TBC1D32: variants seen among roughly 807,000 people sequenced by gnomAD.
The protein encoded by TBC1D32 is TBC1 domain family member 32, also known as protein broad-minded.
TBC1D32 carries 151 observed loss-of-function variants against 170.3 expected under a neutral mutation model. The ratio of observed to expected loss-of-function variants is 0.89; its 90% CI spans 0.78 to 1.01. The LOEUF is 1.01. Ranked by LOEUF, TBC1D32 falls within the 50% of genes least tolerant of loss-of-function variation. The pLI is 0.00. For synonymous variants in TBC1D32, 498 were observed against 488.0 expected (o/e 1.02, Z -0.27); for missense variants, 1,464 against 1,457.1 (o/e 1.00, Z -0.08).
intron 24 of TBC1D32, 66 bp downstream of exon 24, chr6:121,159,942 ATT>A (rs1785402313): frequency 1.8e-6 from 2 of 1,085,794 alleles, no homozygotes; most frequent in East Asian, 2.5e-5. Context: ...CTTCCTTAAT[ATT>A]TTCTTTTTTT....
Position 121,303,739 on chromosome 6 carries a change from T to G in TBC1D32, c.958A>C (p.Ser320Arg). Reference sequence around the variant, plus strand: ...TTAACTGTTAACAAGGACAAAGTACTCTCCACAATTTCTTCCATATACCTT... The same window carrying G: ...TTAACTGTTAACAAGGACAAAGTACGCTCCACAATTTCTTCCATATACCTT... ...PEKYMEEIVE[S>R]TLSLLTVKHN... is the part of the protein sequence containing the mutation. Residue 320 changes from serine to arginine, a missense_variant, in exon 9 of 32, where the codon AGT becomes CGT. By Grantham distance (110) the Ser-to-Arg change is moderately radical (BLOSUM62 -1). Around this residue, in one of 3 missense-constraint regions of TBC1D32, gnomAD observed 1,363 missense variants for 1,338.1 expected, o/e 1.02. Transcript: ENST00000398212. The G allele has an allele frequency of 6.4e-7, 1 of 1,551,456 alleles. No homozygotes were observed. Among genetic ancestry groups the G allele is most frequent in the South Asian group, 1.3e-5 (1 of 79,984 alleles).
chr6:121,326,481 G>A, intron 1 of TBC1D32, among the ~76,000 whole-genome samples: 1 of 152,166 alleles, frequency 6.6e-6, no homozygotes, highest in South Asian at 2.1e-4. Flanking sequence ...ATTATTATTT[G>A]TCATTTTAAA....
chr6:121,145,108 C>T (rs140148697), intron 24 of TBC1D32, among the ~76,000 whole-genome samples: 2 of 152,236 alleles, frequency 1.3e-5, no homozygotes, highest in East Asian at 3.9e-4. Context: ...CAGCTAACTC[C>T]TTCAAGGAAT....
intron 29 of TBC1D32, among the ~76,000 whole-genome samples, chr6:121,108,206 T>G (rs989540785): frequency 2.0e-5 from 3 of 152,128 alleles, no homozygotes; most frequent in African/African-American, 7.2e-5. Context: ...GCCTCTATTT[T>G]ACAGTAAACA....
In TBC1D32 at chr6:121,113,109, CA is replaced by C. The variant is rs777330642; in HGVS notation, c.3121del (p.Cys1041ValfsTer5). On this transcript the variant is annotated frameshift_variant, in exon 28 of 32. Coordinates refer to ENST00000398212, the MANE Select transcript of TBC1D32 (RefSeq NM_152730.6). LOFTEE classifies it high-confidence loss of function. ...ENDLTWVLKH[C>X]ERFLKQQQTS... The stretch of plus-strand genomic sequence containing the variant: ...TTGCTGCTGTTTCAGGAATCTCTCA[CA>C]ATGCTTTAAAACCCAGGTAAGATCA... The C allele has an allele frequency of 3.7e-6, 6 of 1,611,446 alleles. No individual in the cohort carries two copies. Among genetic ancestry groups the C allele is most frequent in the Admixed American group, 1.7e-5 (1 of 59,578 alleles).
chr6:121,087,049 A>G (rs962402070), intron 31 of TBC1D32, among the ~76,000 whole-genome samples: 1 of 152,190 alleles, frequency 6.6e-6, no homozygotes, highest in Non-Finnish European at 1.5e-5. Context: ...GCATATCTTC[A>G]GAGGCTGCCT....
intron 22 of TBC1D32, among the ~76,000 whole-genome samples, chr6:121,203,050 G>A (rs944935095): frequency 6.6e-6 from 1 of 151,304 alleles, no homozygotes; most frequent in Non-Finnish European, 1.5e-5. Flanking sequence ...TGAAGAGAAA[G>A]GTACAAGGAA....
intron 22 of TBC1D32, among the ~76,000 whole-genome samples, chr6:121,177,658 T>C (rs1201052387): frequency 6.6e-6 from 1 of 152,198 alleles, no homozygotes; most frequent in East Asian, 1.9e-4. Flanking sequence ...TGGTTCAATG[T>C]ACACAAACTT....
At chr6:121,209,224 G>C (rs151036090) in intron 21 of TBC1D32, among the ~76,000 whole-genome samples, 1 of 151,600 alleles carries the variant, frequency 6.6e-6, no homozygotes, top group East Asian at 1.9e-4. Flanking sequence ...TAAGTTTGGA[G>C]ATATGTATAC....
chr6:121,299,615 TA>T, intron 9 of TBC1D32, 110 bp from the exon 10 acceptor site: 2 of 1,069,044 alleles, frequency 1.9e-6, no homozygotes, highest in Non-Finnish European at 2.6e-6. Flanking sequence ...AGCTTAGGTT[TA>T]AACCCTTATA....
At chr6:121,311,658 C>T (rs1018811656) in intron 3 of TBC1D32, among the ~76,000 whole-genome samples, 17 of 150,066 alleles carry the variant, frequency 1.1e-4, no homozygotes, top group African/African-American at 3.4e-4. Flanking sequence ...AACCAGGAGA[C>T]GGAGGTTTCA....
intron 22 of TBC1D32, among the ~76,000 whole-genome samples, chr6:121,175,023 C>CA (rs34244749): frequency 0.7 from 92,015 of 130,626 alleles, 33,107 homozygotes; most frequent in South Asian, 0.82. Flanking sequence ...CAGACCTTGT[C>CA]AAAAAAAAAA....
chr6:121,143,166 A>G (rs1783010018), intron 24 of TBC1D32, among the ~76,000 whole-genome samples: 1 of 152,138 alleles, frequency 6.6e-6, no homozygotes, highest in Non-Finnish European at 1.5e-5. Flanking sequence ...CTAAGTAGAA[A>G]TGATATTCTA....
At position 121,113,185 on chromosome 6, in the gene TBC1D32, A is replaced by G. The variant is rs1779361244; in HGVS notation, c.3054-8T>C. On this transcript the variant is annotated splice_polypyrimidine_tract_variant and splice_region_variant and intron_variant, in intron 27 of 31. Coordinates refer to ENST00000398212, the MANE Select transcript of TBC1D32 (RefSeq NM_152730.6). The stretch of plus-strand genomic sequence containing the variant: ...CTGAGGAATTTGCCATACCTATATT[A>G]AAAGCCCACAAAACATAAAACATAT... 6.4e-7 allele frequency: 1 copy of G among 1,550,604 alleles called. No homozygotes were observed. The highest frequency in any genetic ancestry group is 1.9e-5 in the Admixed American group (1 of 51,910).
At position 121,177,756 on chromosome 6, in the gene TBC1D32, T is replaced by G. The variant is rs117876009; in HGVS notation, c.2571-16700A>C. Among the ~76,000 whole-genome samples the G allele has an allele frequency of 6.3e-3, 952 of 152,298 alleles. 45 individuals are homozygous for G. In the East Asian group the frequency reaches 0.11, roughly 18 times the overall value. The stretch of plus-strand genomic sequence containing the variant: ...AGGTTTATATGAAACATAAATGTAT[T>G]TCATGTTTAGAATTGGGCCCTACCC... On this transcript the variant is annotated intron_variant, in intron 22 of 31. Coordinates refer to ENST00000398212, the MANE Select transcript of TBC1D32 (RefSeq NM_152730.6).
At chr6:121,184,970 T>C (rs931400240) in intron 22 of TBC1D32, among the ~76,000 whole-genome samples, 1 of 151,964 alleles carries the variant, frequency 6.6e-6, no homozygotes, top group Admixed American at 6.6e-5. Context: ...CAAGTCAAAA[T>C]TATTCCCTCA....
At chr6:121,210,223 C>A (rs1016642098) in intron 21 of TBC1D32, among the ~76,000 whole-genome samples, 1 of 152,002 alleles carries the variant, frequency 6.6e-6, no homozygotes, top group African/African-American at 2.4e-5. Flanking sequence ...AATAGAAAAA[C>A]AGGCAAAAAT....
At chr6:121,121,749 T>C (rs1172664996) in intron 26 of TBC1D32, among the ~76,000 whole-genome samples, 1 of 152,002 alleles carries the variant, frequency 6.6e-6, no homozygotes, top group East Asian at 1.9e-4. Flanking sequence ...TTGACAAACA[T>C]TTATTGACGT....
At chr6:121,311,008 G>A (rs1316065490) in intron 3 of TBC1D32, among the ~76,000 whole-genome samples, 161 bp from the exon 4 acceptor site, 1 of 152,112 alleles carries the variant, frequency 6.6e-6, no homozygotes, top group Non-Finnish European at 1.5e-5. Context: ...TTCTTCCCAA[G>A]GCTTTTAAAT....
Sources: allele counts gnomAD v4.1 joint callset (sites outside exome capture counted in the v4.1 genomes callset), GRCh38; gene constraint gnomAD v4.1.1; regional missense constraint gnomAD v4.1.1; transcripts MANE v1.5; gene names NCBI Gene and HGNC (gene_info 2026-07-23, HGNC 2026-07-21).